Variants in RABGGTB observed in about 807,000 individuals in gnomAD.
The protein encoded by RABGGTB is Rab geranylgeranyltransferase subunit beta, also known as geranylgeranyl transferase type-2 subunit beta.
A neutral mutation model predicts 44.5 loss-of-function variants in RABGGTB; 20 were observed. The observed-to-expected ratio is 0.45, with a 90% CI of 0.32 to 0.65. The LOEUF (loss-of-function observed/expected upper bound fraction) is 0.65, where lower values mean the gene tolerates loss of function less well. Ranked by LOEUF, RABGGTB falls within the 30% of genes least tolerant of loss-of-function variation. The pLI is 0.05. For synonymous variants in RABGGTB, 128 were observed against 136.7 expected, an observed-to-expected ratio of 0.94 and a Z score of 0.44; for missense variants, 302 against 398.7, an observed-to-expected ratio of 0.76 and a Z score of 2.06.
At chr1:75,787,771 G>A in intron 2 of RABGGTB, 167 bp downstream of exon 2, 1 of 669,918 alleles carries the variant, frequency 1.5e-6, no homozygotes, top group Non-Finnish European at 2.7e-6. Flanking sequence ...GTCTGAGGCT[G>A]TGGGCTTATT....
intron 7 of RABGGTB, among the ~76,000 whole-genome samples, chr1:75,792,671 T>C (rs1222971912): frequency 6.6e-6 from 1 of 152,098 alleles, no homozygotes; most frequent in Non-Finnish European, 1.5e-5. Context: ...TATTAAATTT[T>C]CCTCCACATA....
At chr1:75,789,508 A>C (rs775654134) in intron 3 of RABGGTB, 152 bp downstream of exon 3, 1 of 859,406 alleles carries the variant, frequency 1.2e-6, no homozygotes, top group South Asian at 1.3e-5. Context: ...TATTAGCTGA[A>C]TCTAAAGTTG....
At chr1:75,790,999 C>T (rs903961652) in intron 4 of RABGGTB, among the ~76,000 whole-genome samples, 1 of 152,080 alleles carries the variant, frequency 6.6e-6, no homozygotes, top group African/African-American at 2.4e-5. Flanking sequence ...TATGTTGCCT[C>T]GGCTAGTCTC....
chr1:75,786,378 G>A lies in RABGGTB; in HGVS notation c.3+104G>A, dbSNP rs540052199. The A allele has an allele frequency of 1.0e-4, 152 of 1,491,050 alleles. 1 individual carries two copies. In the African/African-American group the frequency reaches 1.9e-3, roughly 19 times the overall value. The allele number at this position is 1,491,050 out of a possible 1,614,324, so 92.4% of individuals were successfully genotyped here. ...TTAGGATTGGTTTCCTGGTGCTGGA[G>A]AATGGTTAGGACACAGGCCTTGGAA... is the stretch of plus-strand genomic sequence containing the variant. On this transcript the variant is annotated intron_variant, in intron 1 of 8. Transcript: ENST00000319942.
intron 7 of RABGGTB, 192 bp from the exon 8 acceptor site, chr1:75,793,892 T>C: frequency 3.8e-6 from 2 of 520,876 alleles, no homozygotes; most frequent in East Asian, 3.1e-5. Context: ...TACCCATTAA[T>C]TGATTATCTT....
intron 3 of RABGGTB, 47 bp downstream of exon 3, chr1:75,789,403 A>C: frequency 6.4e-7 from 1 of 1,567,214 alleles, no homozygotes; most frequent in East Asian, 2.3e-5. Flanking sequence ...ATGTTCTCTT[A>C]CTTCAGAGTT....
chr1:75,788,105 G>A (rs1367950246), intron 2 of RABGGTB: 10 of 343,700 alleles, frequency 2.9e-5, no homozygotes, highest in Non-Finnish European at 4.6e-5. Flanking sequence ...TTAGTCTACC[G>A]ATTTGTGGGA....
At chr1:75,792,131 T>C (rs770293704) in intron 6 of RABGGTB, 50 bp from the exon 7 acceptor site, 5 of 1,511,788 alleles carry the variant, frequency 3.3e-6, no homozygotes, top group Non-Finnish European at 4.6e-6. Context: ...TTTATCACTT[T>C]TAATGTCAAG....
At position 75,790,485 on chromosome 1, in the gene RABGGTB, T is replaced by C. The variant is rs186006227; in HGVS notation, c.415+428T>C. 43 of 1,034,588 alleles carry C rather than the reference T, an allele frequency of 4.2e-5. No homozygotes were observed. In the East Asian group the frequency reaches 3.5e-3, roughly 85 times the overall value. The allele number at this position is 1,034,588 out of a possible 1,614,324, so 64.1% of individuals were successfully genotyped here. The stretch of plus-strand genomic sequence containing the variant: ...CAGGCCAGAGAGACCAGCTGCTTCA[T>C]GGGATGTGAAAAATCTACTTTTATA... On this transcript the variant is annotated intron_variant, in intron 4 of 8. Coordinates refer to ENST00000319942, the MANE Select transcript of RABGGTB (RefSeq NM_004582.4).
In RABGGTB at chr1:75,789,149, A is replaced by G. The variant is rs772058727; in HGVS notation, c.112-10A>G. ...AAATGACAGATTTAAGAAATTGTGT[A>G]TTATTTTAGGAATACTGTATGTCTG... On this transcript the variant is annotated splice_polypyrimidine_tract_variant and intron_variant, in intron 2 of 8. Coordinates refer to ENST00000319942, the MANE Select transcript of RABGGTB (RefSeq NM_004582.4). 98 of 1,610,014 alleles carry G rather than the reference A, an allele frequency of 6.1e-5. No homozygotes were observed. The highest frequency in any genetic ancestry group is 8.2e-5 in the Non-Finnish European group (97 of 1,176,684).
chr1:75,787,262 C>T (rs1329938526), intron 1 of RABGGTB: 5 of 631,532 alleles, frequency 7.9e-6, no homozygotes, highest in East Asian at 2.9e-5. Context: ...AGTCGGTCTC[C>T]GGTCGCCCAG....
chr1:75,788,557 C>T (rs1357263909), intron 2 of RABGGTB: 1 of 154,064 alleles, frequency 6.5e-6, no homozygotes, highest in Non-Finnish European at 1.4e-5. Context: ...TTCCAAAGTG[C>T]TGGGATTACA....
At chr1:75,788,879 C>CT (rs1649573119) in intron 2 of RABGGTB, 1 of 423,312 alleles carries the variant, frequency 2.4e-6, no homozygotes, top group Admixed American at 4.1e-5. Context: ...GTTTTTCTGT[C>CT]TCTGGCTCAT....
chr1:75,790,361 A>G (rs1374967647), intron 4 of RABGGTB: 1 of 1,217,284 alleles, frequency 8.2e-7, no homozygotes. Flanking sequence ...TATTTAAAAA[A>G]AAAAACTTTA....
intron 7 of RABGGTB, among the ~76,000 whole-genome samples, chr1:75,792,896 T>C (rs1649681380): frequency 6.6e-6 from 1 of 152,174 alleles, no homozygotes; most frequent in African/African-American, 2.4e-5. Flanking sequence ...TGACGCCATC[T>C]TGATTCACTG....
In RABGGTB at chr1:75,794,513, G is replaced by A; in HGVS notation, c.859G>A (p.Asp287Asn). The A allele has an allele frequency of 6.2e-7, 1 of 1,609,074 alleles. No homozygotes were observed. The highest frequency in any genetic ancestry group is 1.3e-5 in the African/African-American group (1 of 74,872). ...GFADRPGDMVDPFHTLFGIAG... is the reference protein window; with the variant it reads ...GFADRPGDMVNPFHTLFGIAG... The stretch of plus-strand genomic sequence containing the variant: ...ATATAAATTCTTTTTTAAATAGGTG[G>A]ATCCTTTTCATACCTTATTTGGAAT... The change falls in exon 9 of 9, where the codon GAT (aspartate) becomes AAT (asparagine). Residue 287 changes from aspartate to asparagine, a missense_variant. Coordinates refer to ENST00000319942, the MANE Select transcript of RABGGTB (RefSeq NM_004582.4).
At chr1:75,786,880 G>T in intron 1 of RABGGTB, 1 of 334,492 alleles carries the variant, frequency 3.0e-6, no homozygotes, top group Non-Finnish European at 5.7e-6. Context: ...TTTGAAACCT[G>T]CATTTGATTA....
At chr1:75,786,821 A>G in intron 1 of RABGGTB, 1 of 318,474 alleles carries the variant, frequency 3.1e-6, no homozygotes, top group Non-Finnish European at 6.1e-6. Flanking sequence ...AGCTAAAGGA[A>G]CTGCTTATTT....
Position 75,795,021 on chromosome 1 carries a change from G to A in RABGGTB, c.*371G>A, listed in dbSNP as rs1649737300. 4.2e-6 allele frequency: 1 copy of A among 238,966 alleles called. No homozygotes were observed. The highest frequency in any genetic ancestry group is 8.4e-6 in the Non-Finnish European group (1 of 119,092). 14.8% of individuals were successfully genotyped at this position (238,966 alleles called of 1,614,324 possible). On this transcript the variant is annotated 3_prime_UTR_variant, in exon 9 of 9. Transcript: ENST00000319942. ...TCAACAAGAATGTTAACTGATGAAA[G>A]TGGATAGAACCCATACATGAATTAA... is the stretch of plus-strand genomic sequence containing the variant.
Sources: allele counts gnomAD v4.1 joint callset (sites outside exome capture counted in the v4.1 genomes callset), GRCh38; gene constraint gnomAD v4.1.1; transcripts MANE v1.5; gene names NCBI Gene and HGNC (gene_info 2026-07-23, HGNC 2026-07-21).